The following ARMH4 variants were observed in gnomAD, a reference collection of about 807,000 sequenced individuals.
ARMH4 encodes armadillo like helical domain containing 4.
Under a neutral mutation model 61.9 loss-of-function variants are expected in ARMH4, and 49 were observed. The observed-to-expected ratio is 0.79, with a 90% CI of 0.63 to 1.00. The LOEUF (loss-of-function observed/expected upper bound fraction) is 1.00, where lower values mean the gene tolerates loss of function less well. Among genes scored for constraint, ARMH4 ranks in the 50% least tolerant of loss-of-function variants. The pLI, the probability that ARMH4 is intolerant of heterozygous loss-of-function variation, is 0.00. For missense variants in ARMH4, 934 were observed against 930.0 expected (o/e 1.00, Z -0.06); for synonymous variants, 368 against 341.5 (o/e 1.08, Z -0.85).
At chr14:58,040,649 G>A (rs978189145) in intron 5 of ARMH4, among the ~76,000 whole-genome samples, 6 of 152,220 alleles carry the variant, frequency 3.9e-5, no homozygotes, top group South Asian at 4.1e-4. Flanking sequence ...CTTTATGATA[G>A]AATGATATAC....
intron 5 of ARMH4, among the ~76,000 whole-genome samples, chr14:58,061,088 G>C (rs915841684): frequency 6.6e-6 from 1 of 152,072 alleles, no homozygotes; most frequent in Non-Finnish European, 1.5e-5. Flanking sequence ...ATTCCATGCT[G>C]AGCTCCAACT....
At chr14:58,005,289 T>G in intron 6 of ARMH4, 107 bp from the exon 7 acceptor site, 2 of 1,387,342 alleles carry the variant, frequency 1.4e-6, no homozygotes, top group Non-Finnish European at 2.0e-6. Flanking sequence ...TGAATTCTCC[T>G]GTCTGCTTTG....
intron 4 of ARMH4, among the ~76,000 whole-genome samples, chr14:58,120,820 T>C (rs1282450233): frequency 6.6e-6 from 1 of 152,186 alleles, no homozygotes; most frequent in African/African-American, 2.4e-5. Context: ...TTAATGGAGA[T>C]TCTTTACAGA....
chr14:58,043,843 C>T (rs1390532117), intron 5 of ARMH4, among the ~76,000 whole-genome samples: 2 of 152,188 alleles, frequency 1.3e-5, no homozygotes, highest in Non-Finnish European at 2.9e-5. Flanking sequence ...CATGAGTGAA[C>T]TCCCATTCAC....
intron 5 of ARMH4, among the ~76,000 whole-genome samples, chr14:58,057,181 T>C (rs1594727839): frequency 2.0e-5 from 3 of 152,210 alleles, no homozygotes; most frequent in African/African-American, 2.4e-5. Flanking sequence ...GTAATATAAC[T>C]AGAGCGATGT....
chr14:58,057,186 C>T (rs1305125557), intron 5 of ARMH4, among the ~76,000 whole-genome samples: 3 of 152,078 alleles, frequency 2.0e-5, no homozygotes, highest in African/African-American at 4.8e-5. Context: ...ATAACTAGAG[C>T]GATGTTAAGC....
intron 4 of ARMH4, among the ~76,000 whole-genome samples, chr14:58,130,544 T>C (rs1176934190): frequency 6.6e-6 from 1 of 152,252 alleles, no homozygotes; most frequent in East Asian, 1.9e-4. Context: ...ATTTTGTATC[T>C]CCAGCCAGGA....
chr14:58,069,792 C>A, intron 5 of ARMH4, among the ~76,000 whole-genome samples: 1 of 152,170 alleles, frequency 6.6e-6, no homozygotes, highest in East Asian at 1.9e-4. Flanking sequence ...TGGGACCATG[C>A]TGTCTTATTC....
chr14:58,013,997 C>T (rs771861380), intron 5 of ARMH4, among the ~76,000 whole-genome samples: 1 of 151,412 alleles, frequency 6.6e-6, no homozygotes, highest in Non-Finnish European at 1.5e-5. Flanking sequence ...GCACTCCAGC[C>T]TGGGCAACAG....
At chr14:58,010,795 A>T (rs546765036) in intron 6 of ARMH4, among the ~76,000 whole-genome samples, 6 of 151,794 alleles carry the variant, frequency 4.0e-5, no homozygotes, top group African/African-American at 1.4e-4. Flanking sequence ...AACAATATCA[A>T]ATTTCAAAAC....
At chr14:58,131,474 A>C (rs1370611129) in intron 4 of ARMH4, 38 bp downstream of exon 4, 7 of 1,536,400 alleles carry the variant, frequency 4.6e-6, no homozygotes, top group Non-Finnish European at 6.3e-6. Flanking sequence ...GACTCACTCA[A>C]CCAGTCCTTG....
intron 5 of ARMH4, among the ~76,000 whole-genome samples, chr14:58,031,651 T>C (rs962191100): frequency 2.0e-5 from 3 of 152,112 alleles, no homozygotes; most frequent in African/African-American, 7.2e-5. Flanking sequence ...ACTATGGCCA[T>C]CTCAACTCTA....
intron 5 of ARMH4, among the ~76,000 whole-genome samples, chr14:58,052,301 T>C (rs1884170718): frequency 6.6e-6 from 1 of 152,176 alleles, no homozygotes; most frequent in East Asian, 1.9e-4. Flanking sequence ...TGGACCCCAG[T>C]AGCTGGGTGC....
intron 5 of ARMH4, among the ~76,000 whole-genome samples, chr14:58,085,921 T>C (rs1425336483): frequency 1.3e-5 from 2 of 152,210 alleles, no homozygotes; most frequent in Admixed American, 6.5e-5. Flanking sequence ...TTTAAAATGC[T>C]ACATCGTAAT....
chr14:58,049,580 G>A (rs1029403165), intron 5 of ARMH4, among the ~76,000 whole-genome samples: 6 of 152,158 alleles, frequency 3.9e-5, no homozygotes, highest in African/African-American at 1.4e-4. Context: ...CTGAAGGATG[G>A]ATGCAGAGAT....
chr14:58,085,675 G>A (rs1458018935), intron 5 of ARMH4, among the ~76,000 whole-genome samples: 1 of 152,086 alleles, frequency 6.6e-6, no homozygotes, highest in Non-Finnish European at 1.5e-5. Flanking sequence ...ATACAGAGAA[G>A]AGCTTCAGCT....
At chr14:58,013,157 G>C (rs1463527386) in intron 5 of ARMH4, among the ~76,000 whole-genome samples, 3 of 152,172 alleles carry the variant, frequency 2.0e-5, no homozygotes, top group Non-Finnish European at 4.4e-5. Context: ...AAACAGAGTG[G>C]AAAACTTTTA....
intron 4 of ARMH4, among the ~76,000 whole-genome samples, chr14:58,129,782 G>A (rs964717733): frequency 1.3e-5 from 2 of 152,124 alleles, no homozygotes; most frequent in Admixed American, 6.5e-5. Flanking sequence ...TGGCATTTAC[G>A]AGTAAAAATG....
rs1887187938 is a variant in ARMH4, at chr14:58,133,317, G to A, written c.1394C>T (p.Thr465Ile). ...MKDIITQEMTTAVQEPDATLS... is the reference protein window; with the variant it reads ...MKDIITQEMTIAVQEPDATLS... Reference sequence around the variant, plus strand: ...AGTGGCATCTGGCTCTTGAACAGCTGTTGTCATCTCTTGAGTGATGATGTC... The same window carrying A: ...AGTGGCATCTGGCTCTTGAACAGCTATTGTCATCTCTTGAGTGATGATGTC... Residue 465 changes from threonine to isoleucine, a missense_variant, in exon 3 of 8, where the codon ACA becomes ATA. By Grantham distance (89) the Thr-to-Ile change is moderately conservative. Coordinates refer to ENST00000267485, the MANE Select transcript of ARMH4 (RefSeq NM_001001872.4). The A allele has an allele frequency of 6.2e-7, 1 of 1,613,256 alleles. No homozygotes were observed. Among genetic ancestry groups the A allele is most frequent in the Non-Finnish European group, 8.5e-7 (1 of 1,179,952 alleles).
Sources: allele counts gnomAD v4.1 joint callset (sites outside exome capture counted in the v4.1 genomes callset), GRCh38; gene constraint gnomAD v4.1.1; transcripts MANE v1.5; gene names NCBI Gene and HGNC (gene_info 2026-07-23, HGNC 2026-07-21).